The following SLIT2 variants were observed in gnomAD, a reference collection of about 807,000 sequenced individuals.
SLIT2 encodes slit homolog 2 protein.
A neutral mutation model predicts 185.7 loss-of-function variants in SLIT2; 41 were observed. The ratio of observed to expected loss-of-function variants is 0.22; its 90% CI spans 0.17 to 0.29. The LOEUF (loss-of-function observed/expected upper bound fraction) is 0.29. SLIT2 is among the 10% of genes least tolerant of loss of function. SLIT2 has a pLI of 1.00. For synonymous variants in SLIT2, 693 were observed against 680.2 expected (o/e 1.02, Z -0.29); for missense variants, 1,571 against 1,909.0 (o/e 0.82, Z 3.30).
intron 25 of SLIT2, among the ~76,000 whole-genome samples, chr4:20,551,554 T>C (rs915340847): frequency 6.6e-6 from 1 of 152,180 alleles, no homozygotes; most frequent in Non-Finnish European, 1.5e-5. Flanking sequence ...TTATTATTAC[T>C]AGGTGTAATG....
intron 4 of SLIT2, among the ~76,000 whole-genome samples, chr4:20,403,212 A>G (rs1007655028): frequency 1.3e-4 from 20 of 151,970 alleles, no homozygotes; most frequent in African/African-American, 4.3e-4. Flanking sequence ...CCATCAAATG[A>G]AAAATACATC....
intron 9 of SLIT2, among the ~76,000 whole-genome samples, chr4:20,500,893 T>C (rs187951741): frequency 3.9e-5 from 6 of 152,280 alleles, no homozygotes; most frequent in Admixed American, 3.3e-4. Flanking sequence ...AAAGTACTAG[T>C]TTTTCCTCTA....
At chr4:20,358,816 G>A (rs1421336463) in intron 4 of SLIT2, among the ~76,000 whole-genome samples, 1 of 152,058 alleles carries the variant, frequency 6.6e-6, no homozygotes, top group Admixed American at 6.6e-5. Context: ...CACTTTAGGG[G>A]CAGATAAACA....
At chr4:20,492,498 A>G (rs922865161) in intron 9 of SLIT2, among the ~76,000 whole-genome samples, 1 of 152,200 alleles carries the variant, frequency 6.6e-6, no homozygotes, top group Admixed American at 6.5e-5. Flanking sequence ...CAGCTGCTGA[A>G]TGCATTTCTA....
At chr4:20,595,554 C>A (rs1335886162) in intron 30 of SLIT2, 143 bp from the exon 31 acceptor site, 5 of 957,198 alleles carry the variant, frequency 5.2e-6, no homozygotes, top group Non-Finnish European at 6.4e-6. Context: ...GTTCGATTTT[C>A]TAGGTATCCA....
At chr4:20,318,162 T>C (rs892042962) in intron 4 of SLIT2, among the ~76,000 whole-genome samples, 2 of 152,152 alleles carry the variant, frequency 1.3e-5, no homozygotes, top group African/African-American at 2.4e-5. Context: ...AATAATGGCT[T>C]AGTGTAGGCT....
chr4:20,592,227 T>C (rs1474068107), intron 30 of SLIT2, among the ~76,000 whole-genome samples: 1 of 152,218 alleles, frequency 6.6e-6, no homozygotes, highest in African/African-American at 2.4e-5. Flanking sequence ...CAGAGCTGGT[T>C]TTACTTTTAT....
intron 5 of SLIT2, among the ~76,000 whole-genome samples, chr4:20,468,549 C>T (rs1247495194): frequency 6.6e-6 from 1 of 151,888 alleles, no homozygotes; most frequent in South Asian, 2.1e-4. Flanking sequence ...TTTTAAGTGC[C>T]TTTATTTCTA....
chr4:20,512,319 T>A (rs941782881), intron 11 of SLIT2, among the ~76,000 whole-genome samples: 2 of 152,078 alleles, frequency 1.3e-5, no homozygotes, highest in African/African-American at 4.8e-5. Flanking sequence ...TAGATCGGAG[T>A]GCTCATCTGG....
chr4:20,450,567 T>A (rs1157031652), intron 4 of SLIT2, among the ~76,000 whole-genome samples: 20 of 152,178 alleles, frequency 1.3e-4, no homozygotes, highest in Admixed American at 1.3e-3. Flanking sequence ...TTTTTAAAGA[T>A]CTACTCTACT....
At chr4:20,298,795 T>A (rs1265718249) in intron 4 of SLIT2, among the ~76,000 whole-genome samples, 1 of 152,194 alleles carries the variant, frequency 6.6e-6, no homozygotes, top group East Asian at 1.9e-4. Flanking sequence ...TTCTTTGTTT[T>A]CCCCTTCACA....
intron 4 of SLIT2, among the ~76,000 whole-genome samples, chr4:20,459,535 A>G (rs904143760): frequency 5.3e-5 from 8 of 152,196 alleles, no homozygotes; most frequent in Admixed American, 3.9e-4. Flanking sequence ...ATATTGATGT[A>G]TATCACCTGA....
chr4:20,607,781 A>G (rs1227165858), intron 33 of SLIT2, among the ~76,000 whole-genome samples: 1 of 152,170 alleles, frequency 6.6e-6, no homozygotes, highest in Non-Finnish European at 1.5e-5. Flanking sequence ...GCAATTTTAA[A>G]GAGAAATGGG....
intron 4 of SLIT2, among the ~76,000 whole-genome samples, chr4:20,355,531 T>TA (rs1299381187): frequency 2.0e-5 from 3 of 152,180 alleles, no homozygotes; most frequent in African/African-American, 2.4e-5. Context: ...GAGATTTTTT[T>TA]AAAAAAGACA....
chr4:20,456,326 C>A lies in SLIT2; in HGVS notation c.396-11426C>A, dbSNP rs1013030587. Among the ~76,000 whole-genome samples, 21 of 152,238 alleles carry A rather than the reference C, an allele frequency of 1.4e-4. No individual in the cohort carries two copies. The East Asian group carries it at 3.9e-3, about 28-fold the overall frequency. The stretch of plus-strand genomic sequence containing the variant: ...CTATTTTCTTAGCCCTCATCCCCAG[C>A]AATGTCACCCATAACCTTTGTCTCT... On this transcript the variant is annotated intron_variant, in intron 4 of 36. Transcript: ENST00000504154.
rs1227900703 is a variant in SLIT2 at position 20,435,786 on chromosome 4, A to G, written c.396-31966A>G. On this transcript the variant is annotated intron_variant, in intron 4 of 36. Transcript: ENST00000504154. ...GGTGTAAGCAAATAGGTAAAAATGG[A>G]TTGTGGCATGCCTAGAAGGTCAGGC... 2.6e-5 allele frequency among the ~76,000 whole-genome samples: 4 copies of G among 152,176 alleles called. No homozygotes were observed. The East Asian group carries it at 7.7e-4, about 29-fold the overall frequency.
intron 4 of SLIT2, among the ~76,000 whole-genome samples, chr4:20,283,387 A>G (rs929886093): frequency 1.3e-5 from 2 of 152,176 alleles, no homozygotes; most frequent in Admixed American, 6.5e-5. Flanking sequence ...TTTGGAGATG[A>G]TTGGTGGACT....
chr4:20,398,419 G>A (rs1440191304), intron 4 of SLIT2, among the ~76,000 whole-genome samples: 1 of 151,784 alleles, frequency 6.6e-6, no homozygotes, highest in African/African-American at 2.4e-5. Flanking sequence ...AGAGACAGTT[G>A]CTACAAGTGA....
intron 4 of SLIT2, among the ~76,000 whole-genome samples, chr4:20,270,256 A>C (rs1314230004): frequency 6.6e-6 from 1 of 151,916 alleles, no homozygotes; most frequent in African/African-American, 2.4e-5. Context: ...ATAGTATTTC[A>C]CTTTCACCTT....
Sources: gnomAD v4.1 joint callset for allele counts (sites outside exome capture counted in the v4.1 genomes callset) on GRCh38, gnomAD v4.1.1 for gene constraint, MANE v1.5 for transcripts, NCBI Gene and HGNC (gene_info 2026-07-23, HGNC 2026-07-21) for gene names.